Variants in NPHP4 observed in about 807,000 individuals in gnomAD.
NPHP4 encodes nephrocystin-4.
NPHP4 carries 151 observed loss-of-function variants against 155.8 expected under a neutral mutation model. That is an observed-to-expected ratio of 0.97 (90% confidence interval 0.85 to 1.11). The LOEUF (loss-of-function observed/expected upper bound fraction) is 1.11. Among genes scored for constraint, NPHP4 ranks in the 50% least tolerant of loss-of-function variants. The pLI is 0.00. For synonymous variants in NPHP4, 845 were observed against 816.8 expected (o/e 1.03, Z -0.59); for missense variants, 1,956 against 1,925.7 (o/e 1.02, Z -0.29).
intron 1 of NPHP4, among the ~76,000 whole-genome samples, chr1:5,988,774 A>C (rs1291832621): frequency 6.6e-6 from 1 of 151,630 alleles, no homozygotes; most frequent in Non-Finnish European, 1.5e-5. Flanking sequence ...CTCCACCCAC[A>C]GTGCACCCAG....
chr1:5,871,451 G>A (rs188908187), intron 23 of NPHP4, among the ~76,000 whole-genome samples: 17 of 152,292 alleles, frequency 1.1e-4, no homozygotes, highest in African/African-American at 4.1e-4. Context: ...AATTGATAAA[G>A]GGAATGATTC....
intron 11 of NPHP4, among the ~76,000 whole-genome samples, chr1:5,916,886 T>G (rs1381732349): frequency 3.3e-5 from 5 of 152,228 alleles, no homozygotes; most frequent in Non-Finnish European, 5.9e-5. Flanking sequence ...AGGCTGCTTC[T>G]TACCTGTCTT....
chr1:5,872,410 G>T (rs1164169633), intron 23 of NPHP4, among the ~76,000 whole-genome samples: 1 of 152,208 alleles, frequency 6.6e-6, no homozygotes, highest in Admixed American at 6.5e-5. Flanking sequence ...AACGGTTTTG[G>T]CAACAGGACG....
At chr1:5,908,110 T>TG (rs1328090899) in intron 12 of NPHP4, among the ~76,000 whole-genome samples, 2 of 152,056 alleles carry the variant, frequency 1.3e-5, no homozygotes, top group Non-Finnish European at 1.5e-5. Context: ...GAGGAATGAA[T>TG]GGGGGGCGGG....
rs55734317 is a variant in NPHP4 at position 5,964,941 on chromosome 1, A to ATTTTTTT, written c.517+2351_517+2357dup. 6.6e-4 allele frequency among the ~76,000 whole-genome samples: 39 copies of ATTTTTTT among 59,414 alleles called. 1 individual carries two copies. Among genetic ancestry groups the ATTTTTTT allele is most frequent in the African/African-American group, 1.8e-3 (21 of 11,792 alleles). The allele number at this position is 59,414 out of a possible 152,430, so 39.0% of individuals were successfully genotyped here. ...ATTATATATATATATATATATATAT[A>ATTTTTTT]TTTTTTTTTTTTGAGGCAGGGTCTC... On this transcript the variant is annotated intron_variant, in intron 5 of 29. Coordinates refer to ENST00000378156, the MANE Select transcript of NPHP4 (RefSeq NM_015102.5).
intron 3 of NPHP4, among the ~76,000 whole-genome samples, chr1:5,973,346 C>A (rs536247894): frequency 6.6e-6 from 1 of 152,254 alleles, no homozygotes; most frequent in Non-Finnish European, 1.5e-5. Flanking sequence ...TAAAGAGCAA[C>A]TCCTTGGCTT....
At chr1:5,900,972 C>T (rs1034353368) in intron 16 of NPHP4, among the ~76,000 whole-genome samples, 3 of 152,030 alleles carry the variant, frequency 2.0e-5, no homozygotes, top group East Asian at 3.9e-4. Context: ...GAGGTCGAGG[C>T]TGCCATGAGC....
chr1:5,970,973 C>T (rs900504156), intron 3 of NPHP4, among the ~76,000 whole-genome samples: 3 of 152,156 alleles, frequency 2.0e-5, no homozygotes, highest in South Asian at 2.1e-4. Flanking sequence ...ACTCCAGAAC[C>T]GCTTTTAAAA....
At chr1:5,967,404 G>A (rs1343536107) in intron 4 of NPHP4, 41 bp from the exon 5 acceptor site, 28 of 1,508,976 alleles carry the variant, frequency 1.9e-5, no homozygotes, top group Middle Eastern at 1.7e-4. Flanking sequence ...AGCCACGTGC[G>A]CACTTCTCAG....
rs767329719 is a variant in NPHP4 at position 5,969,254 on chromosome 1, C to T, written c.285G>A (p.Leu95=). ...PPSRIVFNEP[L]YFHTSLNHPH... is the part of the protein sequence containing the mutation. ...GGTGGTTTAGGGATGTGTGAAAATA[C>T]AAGGGCTGCAGAACAGAAGCCAGAG... The change falls in exon 4 of 30, where the codon TTG becomes TTA. Residue 95 remains leucine (L), a synonymous_variant. Coordinates refer to ENST00000378156, the MANE Select transcript of NPHP4 (RefSeq NM_015102.5). The T allele has an allele frequency of 4.1e-5, 63 of 1,554,728 alleles. No homozygotes were observed. In the Middle Eastern group the frequency reaches 5.1e-4, roughly 13 times the overall value.
chr1:5,887,679 T>C (rs1021602908), intron 17 of NPHP4, among the ~76,000 whole-genome samples: 2 of 152,168 alleles, frequency 1.3e-5, no homozygotes, highest in African/African-American at 4.8e-5. Context: ...TACTGGGGTC[T>C]TTTTCACAAA....
chr1:5,900,474 A>G (rs1570336865), intron 16 of NPHP4, among the ~76,000 whole-genome samples: 1 of 152,178 alleles, frequency 6.6e-6, no homozygotes, highest in Non-Finnish European at 1.5e-5. Flanking sequence ...TACATACTAC[A>G]TAATTCCAGC....
chr1:5,976,340 C>T (rs993954526), intron 3 of NPHP4, among the ~76,000 whole-genome samples: 6 of 152,150 alleles, frequency 3.9e-5, no homozygotes, highest in East Asian at 1.9e-4. Context: ...TGCCTGGCCA[C>T]GGGAAGCGCC....
chr1:5,909,326 T>C, intron 11 of NPHP4, 113 bp from the exon 12 acceptor site: 1 of 820,184 alleles, frequency 1.2e-6, no homozygotes. Context: ...ACCTTGTCTG[T>C]AACAGGGGCA....
intron 28 of NPHP4, 21 bp from the exon 29 acceptor site, chr1:5,864,054 G>A (rs1237199069): frequency 2.5e-6 from 4 of 1,610,484 alleles, no homozygotes; most frequent in African/African-American, 1.3e-5. Flanking sequence ...AGGGGACAGG[G>A]AGACGCTGCG....
chr1:5,988,084 A>G (rs140498790), intron 1 of NPHP4, among the ~76,000 whole-genome samples: 1 of 152,372 alleles, frequency 6.6e-6, no homozygotes, highest in East Asian at 1.9e-4. Context: ...TTTTCTGAAC[A>G]ATGCGTAATG....
At chr1:5,881,009 G>C (rs533820673) in intron 18 of NPHP4, 2 of 152,382 alleles carry the variant, frequency 1.3e-5, no homozygotes, top group South Asian at 4.1e-4. Flanking sequence ...AGTGTTGAGT[G>C]CCCTCGGGCC....
intron 11 of NPHP4, among the ~76,000 whole-genome samples, chr1:5,918,161 T>A (rs1645568427): frequency 1.3e-5 from 2 of 152,216 alleles, no homozygotes; most frequent in African/African-American, 4.8e-5. Context: ...AGGTGGTGTC[T>A]GCAAAGGGCT....
At chr1:5,872,496 T>C (rs1184026667) in intron 23 of NPHP4, among the ~76,000 whole-genome samples, 1 of 152,184 alleles carries the variant, frequency 6.6e-6, no homozygotes, top group Non-Finnish European at 1.5e-5. Flanking sequence ...GATACATTCC[T>C]TAGATCAAGG....
Sources: gnomAD v4.1 joint callset for allele counts (sites outside exome capture counted in the v4.1 genomes callset) on GRCh38, gnomAD v4.1.1 for gene constraint, MANE v1.5 for transcripts, NCBI Gene and HGNC (gene_info 2026-07-23, HGNC 2026-07-21) for gene names.